FEZ2: variants seen among roughly 807,000 people sequenced by gnomAD.
FEZ2 encodes the protein fasciculation and elongation protein zeta 2.
FEZ2 carries 51 observed loss-of-function variants against 40.4 expected under a neutral mutation model. The ratio of observed to expected loss-of-function variants is 1.26; its 90% CI spans 1.01 to 1.59. The LOEUF (loss-of-function observed/expected upper bound fraction) is 1.59. FEZ2 is among the 40% of genes most tolerant of loss of function. The pLI, the probability that FEZ2 is intolerant of heterozygous loss-of-function variation, is 0.00. For missense variants in FEZ2, 640 were observed against 438.3 expected, an observed-to-expected ratio of 1.46 and a Z score of -4.11; for synonymous variants, 242 against 172.0, an observed-to-expected ratio of 1.41 and a Z score of -3.18.
chr2:36,566,220 G>A (rs1368029185), intron 5 of FEZ2, among the ~76,000 whole-genome samples: 2 of 152,034 alleles, frequency 1.3e-5, no homozygotes, highest in East Asian at 1.9e-4. Flanking sequence ...GGCACCTGTA[G>A]TCCCAGCTAC....
At chr2:36,597,750 G>A in intron 1 of FEZ2, 127 bp downstream of exon 1, 1 of 656,282 alleles carries the variant, frequency 1.5e-6, no homozygotes, top group Middle Eastern at 4.7e-4. Flanking sequence ...GGAAGGAGGC[G>A]AGAGGGCGGG....
intron 5 of FEZ2, among the ~76,000 whole-genome samples, chr2:36,570,271 GC>G (rs1198247006): frequency 6.6e-6 from 1 of 151,736 alleles, no homozygotes; most frequent in Non-Finnish European, 1.5e-5. Flanking sequence ...TTATACCAAA[GC>G]AGATACACAC....
chr2:36,576,120 G>C (rs1307617445), intron 5 of FEZ2, among the ~76,000 whole-genome samples: 1 of 152,094 alleles, frequency 6.6e-6, no homozygotes. Context: ...TAAAATGCTT[G>C]GTAAAATGTT....
At chr2:36,564,907 C>A (rs1442310594) in intron 5 of FEZ2, among the ~76,000 whole-genome samples, 1 of 152,188 alleles carries the variant, frequency 6.6e-6, no homozygotes, top group Non-Finnish European at 1.5e-5. Context: ...CTTCTCTCCC[C>A]CGTTGTGTGC....
At chr2:36,588,576 A>AG (rs1160360848) in intron 2 of FEZ2, among the ~76,000 whole-genome samples, 1 of 152,188 alleles carries the variant, frequency 6.6e-6, no homozygotes, top group Non-Finnish European at 1.5e-5. Flanking sequence ...AAAGTGGGGT[A>AG]GTATTTGCAT....
chr2:36,567,238 G>C (rs187925916), intron 5 of FEZ2, among the ~76,000 whole-genome samples: 1 of 151,728 alleles, frequency 6.6e-6, no homozygotes, highest in Non-Finnish European at 1.5e-5. Flanking sequence ...CATATCATGA[G>C]GTGTCTTGAC....
At chr2:36,559,116 T>A (rs1393995926) in intron 5 of FEZ2, 1 of 152,194 alleles carries the variant, frequency 6.6e-6, no homozygotes, top group Non-Finnish European at 1.5e-5. Flanking sequence ...GTAAACGTTT[T>A]TAGGCATTAA....
intron 2 of FEZ2, 94 bp from the exon 3 acceptor site, chr2:36,583,563 T>C (rs948961016): frequency 2.9e-6 from 2 of 695,412 alleles, no homozygotes; most frequent in Non-Finnish European, 5.2e-6. Flanking sequence ...GAAAAGCAAC[T>C]ACTAAGAGCC....
At chr2:36,567,137 C>T (rs952156328) in intron 5 of FEZ2, among the ~76,000 whole-genome samples, 7 of 152,064 alleles carry the variant, frequency 4.6e-5, no homozygotes, top group African/African-American at 1.7e-4. Flanking sequence ...GTGCCTGGGC[C>T]ATAGCAGTCA....
intron 7 of FEZ2, among the ~76,000 whole-genome samples, chr2:36,554,885 C>A (rs576527511): frequency 5.3e-5 from 8 of 152,326 alleles, no homozygotes; most frequent in Non-Finnish European, 1.2e-4. Flanking sequence ...GAGAAGAAGA[C>A]TGTTACTAGA....
intron 2 of FEZ2, among the ~76,000 whole-genome samples, chr2:36,587,619 G>A (rs1469186268): frequency 1.3e-5 from 2 of 151,462 alleles, no homozygotes; most frequent in African/African-American, 4.9e-5. Context: ...TTTCCTGAAT[G>A]TTTTTCTCTT....
intron 5 of FEZ2, among the ~76,000 whole-genome samples, chr2:36,560,273 G>C (rs1668058419): frequency 1.3e-5 from 2 of 152,150 alleles, no homozygotes; most frequent in Admixed American, 1.3e-4. Context: ...GCAGACAACT[G>C]AGTTGGCTGA....
At chr2:36,565,605 C>T (rs925552844) in intron 5 of FEZ2, among the ~76,000 whole-genome samples, 1 of 152,182 alleles carries the variant, frequency 6.6e-6, no homozygotes, top group Admixed American at 6.5e-5. Flanking sequence ...CCGGGTGCAA[C>T]TCAGCCTTCC....
chr2:36,579,427 G>C (rs1197980344), intron 4 of FEZ2, among the ~76,000 whole-genome samples: 1 of 152,180 alleles, frequency 6.6e-6, no homozygotes, highest in Non-Finnish European at 1.5e-5. Context: ...TGCTGGAGGT[G>C]GGGCTTGGTG....
At chr2:36,559,868 T>A (rs530025473) in intron 5 of FEZ2, among the ~76,000 whole-genome samples, 16 of 152,314 alleles carry the variant, frequency 1.1e-4, no homozygotes, top group African/African-American at 3.8e-4. Context: ...AAACATCCCT[T>A]CATGGAGCTC....
At chr2:36,575,970 A>AG (rs1468131400) in intron 5 of FEZ2, among the ~76,000 whole-genome samples, 1 of 152,066 alleles carries the variant, frequency 6.6e-6, no homozygotes, top group African/African-American at 2.4e-5. Flanking sequence ...CTCAGGCAGG[A>AG]GAAAAAAAAA....
At chr2:36,592,899 C>T (rs1022614449) in intron 1 of FEZ2, among the ~76,000 whole-genome samples, 7 of 152,152 alleles carry the variant, frequency 4.6e-5, no homozygotes, top group Non-Finnish European at 1.0e-4. Context: ...AACTCATCTA[C>T]CCAGCAAAGC....
Position 36,597,119 on chromosome 2 carries a change from C to T in FEZ2, c.266+758G>A, listed in dbSNP as rs145324218. On this transcript the variant is annotated intron_variant, in intron 1 of 7. Coordinates refer to ENST00000405912, the MANE Select transcript of FEZ2 (RefSeq NM_005102.3). ...AGTAAGCAGGGCCCTTCGTTTTCGT[C>T]TCTGTGGCGGCTCGCACTCTACCAG... Among the ~76,000 whole-genome samples, 5 of 152,302 alleles carry T rather than the reference C, an allele frequency of 3.3e-5. No homozygotes were observed. The East Asian group carries it at 9.6e-4, about 29-fold the overall frequency.
chr2:36,565,132 C>A (rs1412672040), intron 5 of FEZ2, among the ~76,000 whole-genome samples: 2 of 152,176 alleles, frequency 1.3e-5, no homozygotes, highest in African/African-American at 2.4e-5. Flanking sequence ...GTGTCCGAAA[C>A]AATCAACCTC....
Sources: allele counts gnomAD v4.1 joint callset (sites outside exome capture counted in the v4.1 genomes callset), GRCh38; gene constraint gnomAD v4.1.1; transcripts MANE v1.5; gene names NCBI Gene and HGNC (gene_info 2026-07-23, HGNC 2026-07-21).